TTLL13: variants seen among roughly 807,000 people sequenced by gnomAD.
TTLL13 encodes the protein tubulin tyrosine ligase like 13.
chr15:90,259,013 C>T, the TTLL13 span: 3 of 1,602,774 alleles, frequency 1.9e-6, no homozygotes, highest in African/African-American at 1.3e-5. Context: ...TGGCCTGGGG[C>T]TGATTTGCTA....
At chr15:90,260,181 T>G in the TTLL13 span, among the ~76,000 whole-genome samples, 1 of 152,182 alleles carries the variant, frequency 6.6e-6, no homozygotes, top group Non-Finnish European at 1.5e-5. Context: ...AATCGTACAC[T>G]AGAGTACTAG....
the TTLL13 span, chr15:90,257,650 T>G: frequency 6.2e-7 from 1 of 1,614,196 alleles, no homozygotes; most frequent in Non-Finnish European, 8.5e-7. Context: ...AATGTCTGCA[T>G]GCACCTGACC....
chr15:90,262,101 C>T, the TTLL13 span: 1 of 1,536,128 alleles, frequency 6.5e-7, no homozygotes, highest in South Asian at 1.2e-5. Flanking sequence ...TACCCTGGGC[C>T]TGACACAGAG....
chr15:90,253,268 G>T, the TTLL13 span: 1 of 1,613,914 alleles, frequency 6.2e-7, no homozygotes, highest in Non-Finnish European at 8.5e-7. Flanking sequence ...CAGCCCAAAT[G>T]TGTGGCCTGA....
At chr15:90,251,607 C>G in the TTLL13 span, 4 of 1,613,454 alleles carry the variant, frequency 2.5e-6, no homozygotes, top group South Asian at 4.4e-5. Context: ...AAGCACCCAG[C>G]CCGTCGCTCA....
chr15:90,250,603 A>C, the TTLL13 span: 1 of 1,602,478 alleles, frequency 6.2e-7, no homozygotes, highest in South Asian at 1.1e-5. Context: ...CTTCATTCCC[A>C]CCCCGCAACC....
At chr15:90,258,162 T>TA in the TTLL13 span, 1 of 1,614,238 alleles carries the variant, frequency 6.2e-7, no homozygotes, top group Non-Finnish European at 8.5e-7. Context: ...ACGCCACAAC[T>TA]ACCGAACCTG....
At chr15:90,256,772 T>TCCG in the TTLL13 span, among the ~76,000 whole-genome samples, 221 of 152,148 alleles carry the variant, frequency 1.5e-3, no homozygotes, top group African/African-American at 4.8e-3. Flanking sequence ...CCCTGCAACC[T>TCCG]CCGCCTCCCG....
chr15:90,253,658 C>G, the TTLL13 span, among the ~76,000 whole-genome samples: 2 of 152,084 alleles, frequency 1.3e-5, no homozygotes. Flanking sequence ...GTGAGCACAT[C>G]TTAGGGAGAA....
the TTLL13 span, among the ~76,000 whole-genome samples, chr15:90,260,842 C>T: frequency 7.3e-6 from 1 of 137,380 alleles, no homozygotes; most frequent in Admixed American, 7.5e-5. Context: ...TAGAGCAGGA[C>T]TCTGTCTCAA....
At chr15:90,256,333 T>A in the TTLL13 span, 1 of 1,612,882 alleles carries the variant, frequency 6.2e-7, no homozygotes, top group Non-Finnish European at 8.5e-7. Flanking sequence ...CCTTCCCTAG[T>A]CCCCAGCACT....
chr15:90,252,156 C>T, the TTLL13 span, among the ~76,000 whole-genome samples: 1 of 151,512 alleles, frequency 6.6e-6, no homozygotes, highest in Non-Finnish European at 1.5e-5. Flanking sequence ...TCTCCTGCCT[C>T]AGCCTCCCAA....
At chr15:90,256,637 CCTT>C in the TTLL13 span, among the ~76,000 whole-genome samples, 132 of 78,564 alleles carry the variant, frequency 1.7e-3, 1 homozygote, top group African/African-American at 7.8e-3. Flanking sequence ...TTCCTTCCTT[CCTT>C]CTTTCTTTCT....
the TTLL13 span, chr15:90,262,945 T>C: frequency 2.0e-6 from 3 of 1,531,210 alleles, no homozygotes; most frequent in Non-Finnish European, 2.6e-6. Flanking sequence ...ATCCTGCATT[T>C]ATCTCTCATG....
the TTLL13 span, chr15:90,257,309 T>G: frequency 1.3e-6 from 2 of 1,593,984 alleles, no homozygotes; most frequent in Non-Finnish European, 1.7e-6. Flanking sequence ...CACTCTTCTT[T>G]TCCACTGCCA....
the TTLL13 span, among the ~76,000 whole-genome samples, chr15:90,256,581 C>CTTTCT: frequency 2.8e-5 from 1 of 35,660 alleles, no homozygotes. Context: ...TTCTTTCTTT[C>CTTTCT]TTTCTTTCTT....
the TTLL13 span, chr15:90,257,401 C>A: frequency 1.4e-6 from 2 of 1,395,026 alleles, no homozygotes; most frequent in Non-Finnish European, 1.9e-6. Context: ...CCAGCAAGAG[C>A]TGCAGCATCT....
chr15:90,251,280 ATT>A, the TTLL13 span, among the ~76,000 whole-genome samples: 7 of 109,490 alleles, frequency 6.4e-5, no homozygotes, highest in Middle Eastern at 4.9e-3. Flanking sequence ...CGCATGGCAA[ATT>A]TTTTTTTTTT....
chr15:90,259,157 G>A, the TTLL13 span: 1 of 843,942 alleles, frequency 1.2e-6, no homozygotes, highest in Non-Finnish European at 1.7e-6. Flanking sequence ...GAGCCCTAGA[G>A]TTCAACACCA....
Sources: allele counts gnomAD v4.1 joint callset (sites outside exome capture counted in the v4.1 genomes callset), GRCh38; gene constraint gnomAD v4.1.1; transcripts MANE v1.5; gene names NCBI Gene and HGNC (gene_info 2026-07-23, HGNC 2026-07-21).